KAT2B: variants seen among roughly 807,000 people sequenced by gnomAD.
The protein encoded by KAT2B is lysine acetyltransferase 2B.
KAT2B carries 36 observed loss-of-function variants against 105.9 expected under a neutral mutation model. The observed-to-expected ratio is 0.34, with a 90% CI of 0.26 to 0.45. The LOEUF (loss-of-function observed/expected upper bound fraction) is 0.45. KAT2B is among the 20% of genes least tolerant of loss of function. The pLI is 1.00. For missense variants in KAT2B, 820 were observed against 1,021.6 expected, an observed-to-expected ratio of 0.80 and a Z score of 2.69; for synonymous variants, 397 against 377.9, an observed-to-expected ratio of 1.05 and a Z score of -0.59.
intron 5 of KAT2B, among the ~76,000 whole-genome samples, chr3:20,106,489 A>T (rs1228627535): frequency 6.6e-6 from 1 of 152,136 alleles, no homozygotes; most frequent in Non-Finnish European, 1.5e-5. Flanking sequence ...ACACACACAC[A>T]CATTGACTCA....
At chr3:20,076,513 T>C (rs1019260749) in intron 2 of KAT2B, among the ~76,000 whole-genome samples, 3 of 152,158 alleles carry the variant, frequency 2.0e-5, no homozygotes, top group Admixed American at 6.6e-5. Flanking sequence ...TCTTCCTTCC[T>C]CCCTCCTTTC....
At chr3:20,112,618 A>T (rs1032067521) in intron 6 of KAT2B, among the ~76,000 whole-genome samples, 1 of 152,202 alleles carries the variant, frequency 6.6e-6, no homozygotes, top group African/African-American at 2.4e-5. Context: ...TGTGATTATC[A>T]TTCCGCCTAG....
At chr3:20,084,997 A>C (rs1698587599) in intron 2 of KAT2B, among the ~76,000 whole-genome samples, 1 of 152,214 alleles carries the variant, frequency 6.6e-6, no homozygotes, top group Admixed American at 6.5e-5. Context: ...CATCTGAAGG[A>C]ATTTACTTGA....
At chr3:20,133,778 C>T (rs1699552160) in intron 11 of KAT2B, among the ~76,000 whole-genome samples, 1 of 152,172 alleles carries the variant, frequency 6.6e-6, no homozygotes, top group Non-Finnish European at 1.5e-5. Context: ...GTTCCCCCTA[C>T]CATTGCTGGC....
At chr3:20,134,339 C>T (rs1440486885) in intron 11 of KAT2B, among the ~76,000 whole-genome samples, 2 of 152,140 alleles carry the variant, frequency 1.3e-5, no homozygotes, top group South Asian at 4.1e-4. Context: ...TTCCTCTATT[C>T]GTCTTCTCTT....
At chr3:20,122,925 A>T (rs1305645535) in intron 9 of KAT2B, 121 bp downstream of exon 9, 2 of 1,403,602 alleles carry the variant, frequency 1.4e-6, no homozygotes, top group African/African-American at 1.4e-5. Context: ...CCTGGTTTGC[A>T]TTTAACCTGG....
At chr3:20,134,765 A>G (rs577382272) in intron 11 of KAT2B, among the ~76,000 whole-genome samples, 1 of 152,218 alleles carries the variant, frequency 6.6e-6, no homozygotes, top group Non-Finnish European at 1.5e-5. Flanking sequence ...CAAATGCTGC[A>G]TAACAGGAAT....
intron 1 of KAT2B, among the ~76,000 whole-genome samples, chr3:20,062,759 GC>G (rs1265391635): frequency 2.0e-5 from 3 of 151,892 alleles, no homozygotes; most frequent in Non-Finnish European, 4.4e-5. Flanking sequence ...ACCGTGCCTG[GC>G]CCATTTTCAT....
At position 20,152,392 on chromosome 3, in the gene KAT2B, T is replaced by A. The variant is rs777186006; in HGVS notation, c.2366T>A (p.Met789Lys). The A allele has an allele frequency of 3.7e-6, 6 of 1,613,596 alleles. No homozygotes were observed. The highest frequency in any genetic ancestry group is 5.1e-6 in the Non-Finnish European group (6 of 1,179,638). Reference sequence around the variant, plus strand: ...TACTACGTGTCTAAGAAATTATTCATGGCAGACTTACAGCGAGTCTTTACC... The same window carrying A: ...TACTACGTGTCTAAGAAATTATTCAAGGCAGACTTACAGCGAGTCTTTACC... ...NRYYVSKKLFMADLQRVFTNC... is the reference protein window; with the variant it reads ...NRYYVSKKLFKADLQRVFTNC... The change falls in exon 18 of 18, where the codon ATG (methionine) becomes AAG (lysine). Residue 789 changes from methionine (M) to lysine (K), a missense_variant. Met to Lys is a moderately conservative substitution (Grantham distance 95). This residue lies in a region of KAT2B where 227 missense variants were observed against 292.9 expected (regional missense o/e 0.77). Transcript: ENST00000263754.
intron 2 of KAT2B, among the ~76,000 whole-genome samples, chr3:20,072,664 C>T (rs1301096630): frequency 1.3e-5 from 2 of 152,040 alleles, no homozygotes; most frequent in African/African-American, 4.8e-5. Context: ...TGACTTTGTC[C>T]CTTCTTCCTT....
At chr3:20,150,822 C>T (rs1286818162) in intron 17 of KAT2B, among the ~76,000 whole-genome samples, 2 of 152,202 alleles carry the variant, frequency 1.3e-5, no homozygotes, top group Middle Eastern at 3.4e-3. Context: ...TAAAAAAGTT[C>T]GAAAAGCTTT....
chr3:20,095,196 C>A, intron 2 of KAT2B, 67 bp from the exon 3 acceptor site: 1 of 1,359,258 alleles, frequency 7.4e-7, no homozygotes, highest in Non-Finnish European at 1.0e-6. Context: ...GGACCTTCCA[C>A]TTAAAAATGG....
intron 5 of KAT2B, among the ~76,000 whole-genome samples, chr3:20,107,806 C>CTTTT (rs1206858155): frequency 2.6e-5 from 3 of 113,738 alleles, no homozygotes; most frequent in African/African-American, 3.7e-5. Context: ...TTGCTTTTTC[C>CTTTT]TTTTTTTTTT....
intron 2 of KAT2B, among the ~76,000 whole-genome samples, chr3:20,086,221 C>T (rs1698612340): frequency 1.3e-5 from 2 of 151,830 alleles, no homozygotes; most frequent in East Asian, 3.9e-4. Flanking sequence ...TGCAGTGAGC[C>T]ATAATTGTGC....
intron 6 of KAT2B, among the ~76,000 whole-genome samples, chr3:20,114,386 C>G (rs1361628083): frequency 6.6e-6 from 1 of 152,168 alleles, no homozygotes; most frequent in Middle Eastern, 3.2e-3. Context: ...CAACCACTTA[C>G]AACACTGCCT....
chr3:20,107,005 ATATATATATAT>A (rs1699026998), intron 5 of KAT2B, among the ~76,000 whole-genome samples: 1 of 24,332 alleles, frequency 4.1e-5, no homozygotes, highest in African/African-American at 1.8e-4. Flanking sequence ...ATATATATAT[ATATATATATAT>A]TTTTTTTTTT....
At chr3:20,056,549 G>C (rs1483858171) in intron 1 of KAT2B, among the ~76,000 whole-genome samples, 4 of 152,170 alleles carry the variant, frequency 2.6e-5, no homozygotes, top group Admixed American at 2.6e-4. Context: ...GTCAGTTACT[G>C]TTACAATTAA....
In KAT2B at chr3:20,136,253, T is replaced by C. The variant is rs543905795; in HGVS notation, c.1750-689T>C. On this transcript the variant is annotated intron_variant, in intron 11 of 17. Coordinates refer to ENST00000263754, the MANE Select transcript of KAT2B (RefSeq NM_003884.5). ...AAAACAATCACATTAGATTTACACG[T>C]TTTCTGTAAGCTTTGTCACTGAAAA... is the stretch of plus-strand genomic sequence containing the variant. 3.3e-5 allele frequency among the ~76,000 whole-genome samples: 5 copies of C among 152,356 alleles called. No homozygotes were observed. The South Asian group carries it at 8.3e-4, about 25-fold the overall frequency.
chr3:20,051,455 T>C (rs1044756039), intron 1 of KAT2B, among the ~76,000 whole-genome samples: 1 of 152,162 alleles, frequency 6.6e-6, no homozygotes, highest in Admixed American at 6.5e-5. Context: ...GGAAGATGAC[T>C]AGAGTTGCTA....
Sources: allele counts gnomAD v4.1 joint callset (sites outside exome capture counted in the v4.1 genomes callset), GRCh38; gene constraint gnomAD v4.1.1; regional missense constraint gnomAD v4.1.1; transcripts MANE v1.5; gene names NCBI Gene and HGNC (gene_info 2026-07-23, HGNC 2026-07-21).